Variants in MAML2 observed in about 807,000 individuals in gnomAD.
MAML2 encodes the protein mastermind like transcriptional coactivator 2, also known as mastermind-like protein 2.
In MAML2, 22 loss-of-function variants were observed where a neutral mutation model predicts 96.1. The observed-to-expected ratio is 0.23, with a 90% CI of 0.16 to 0.33. MAML2 has a LOEUF of 0.33. Among genes scored for constraint, MAML2 ranks in the 10% least tolerant of loss-of-function variants. MAML2 has a pLI of 1.00. For missense variants in MAML2, 1,367 were observed against 1,392.4 expected (o/e 0.98, Z 0.29); for synonymous variants, 561 against 521.3 (o/e 1.08, Z -1.04).
At chr11:96,105,869 T>C (rs974333030) in intron 1 of MAML2, among the ~76,000 whole-genome samples, 45 of 112,394 alleles carry the variant, frequency 4.0e-4, no homozygotes, top group African/African-American at 1.3e-3. Flanking sequence ...TATTTGGTTA[T>C]AATGGAAAAA....
chr11:96,164,912 T>C (rs974439503), intron 1 of MAML2, among the ~76,000 whole-genome samples: 1 of 152,224 alleles, frequency 6.6e-6, no homozygotes, highest in African/African-American at 2.4e-5. Flanking sequence ...ACTTGTGCAA[T>C]ATATTTCCAT....
intron 2 of MAML2, among the ~76,000 whole-genome samples, chr11:96,088,178 T>C (rs2135805467): frequency 6.6e-6 from 1 of 152,298 alleles, no homozygotes; most frequent in East Asian, 1.9e-4. Flanking sequence ...GTTATTAATA[T>C]ATGATTGAGG....
At chr11:96,331,628 T>C (rs1439982568) in intron 1 of MAML2, among the ~76,000 whole-genome samples, 2 of 149,608 alleles carry the variant, frequency 1.3e-5, no homozygotes, top group Non-Finnish European at 3.0e-5. Context: ...TGAAACCCCA[T>C]CTCTACTAAA....
chr11:96,101,333 G>T (rs58355909), intron 1 of MAML2, among the ~76,000 whole-genome samples: 1 of 152,194 alleles, frequency 6.6e-6, no homozygotes, highest in Non-Finnish European at 1.5e-5. Flanking sequence ...TTTTGTCAGC[G>T]TGGACACTTC....
At chr11:96,131,591 AAGTATATT>A (rs1860549909) in intron 1 of MAML2, among the ~76,000 whole-genome samples, 1 of 152,244 alleles carries the variant, frequency 6.6e-6, no homozygotes, top group Non-Finnish European at 1.5e-5. Flanking sequence ...TAGATTCAGA[AAGTATATT>A]AGTAGTTACA....
chr11:96,252,482 G>A (rs895924428), intron 1 of MAML2, among the ~76,000 whole-genome samples: 1 of 144,878 alleles, frequency 6.9e-6, no homozygotes, highest in Non-Finnish European at 1.5e-5. Flanking sequence ...CTGGAGTGCA[G>A]TGGAGCGATC....
intron 2 of MAML2, among the ~76,000 whole-genome samples, chr11:96,082,866 G>A (rs75560388): frequency 0.025 from 3,774 of 152,272 alleles, 71 homozygotes; most frequent in Non-Finnish European, 0.035. Context: ...ACCTGGGAAG[G>A]GAGAGAGGAA....
rs1447190598 is a variant in MAML2, at chr11:96,030,026, G to A, written c.2140-38303C>T. Among the ~76,000 whole-genome samples the A allele has an allele frequency of 6.2e-4, 94 of 152,104 alleles. 1 individual carries two copies. The highest frequency in any genetic ancestry group is 1.3e-4 in the Non-Finnish European group (9 of 68,012). On this transcript the variant is annotated intron_variant, in intron 2 of 4. Coordinates refer to ENST00000524717, the MANE Select transcript of MAML2 (RefSeq NM_032427.4). The stretch of plus-strand genomic sequence containing the variant: ...AGGTGGGTGGATCACGAGGTCAGAC[G>A]TTCGAGACCAACCTGGCCAACACAG...
chr11:96,176,628 C>A (rs1204261278), intron 1 of MAML2, among the ~76,000 whole-genome samples: 1 of 152,036 alleles, frequency 6.6e-6, no homozygotes, highest in African/African-American at 2.4e-5. Context: ...AAAGGTGAGA[C>A]CACCTTTTCG....
chr11:95,979,567 C>G lies in MAML2; in HGVS notation c.2852G>C (p.Arg951Thr). The change falls in exon 5 of 5, where the codon AGA becomes ACA. Residue 951 changes from arginine (R) to threonine (T), a missense_variant. Arg to Thr is a moderately conservative substitution (Grantham distance 71). Coordinates refer to ENST00000524717, the MANE Select transcript of MAML2 (RefSeq NM_032427.4). ...GGATGTGATCATTACGTTTGATGTT[C>G]TCTGTGGTGGCATGCTTGCCATACT... The part of the protein sequence containing the change: ...THSMASMPPQ[R>T]TSNVMITSNT... 6.2e-7 allele frequency: 1 copy of G among 1,613,828 alleles called. No homozygotes were observed. The highest frequency in any genetic ancestry group is 8.5e-7 in the Non-Finnish European group (1 of 1,179,874).
intron 2 of MAML2, among the ~76,000 whole-genome samples, chr11:96,017,636 T>G (rs1371000586): frequency 1.3e-5 from 2 of 148,210 alleles, no homozygotes; most frequent in Non-Finnish European, 3.0e-5. Flanking sequence ...CAGGTAGGAG[T>G]GGGTAGGGTG....
At chr11:96,149,666 G>T (rs1056470519) in intron 1 of MAML2, among the ~76,000 whole-genome samples, 3 of 152,028 alleles carry the variant, frequency 2.0e-5, no homozygotes, top group African/African-American at 4.8e-5. Flanking sequence ...CCCAGTAGGC[G>T]GAGGTTGCAG....
chr11:96,175,899 G>A (rs1305264877), intron 1 of MAML2, among the ~76,000 whole-genome samples: 2 of 152,256 alleles, frequency 1.3e-5, no homozygotes, highest in East Asian at 3.9e-4. Context: ...ACAGCGCCTG[G>A]CCTTAAACCT....
At chr11:95,998,141 A>AGTCTGTCTGTCTGTCTGTCT (rs200511361) in intron 2 of MAML2, among the ~76,000 whole-genome samples, 4,515 of 143,452 alleles carry the variant, frequency 0.031, 108 homozygotes, top group Non-Finnish European at 0.044. Context: ...TCTGTCTGTC[A>AGTCTGTCTGTCTGTCTGTCT]GTCTGTCTGT....
intron 1 of MAML2, among the ~76,000 whole-genome samples, chr11:96,204,370 A>G (rs1442908165): frequency 2.0e-5 from 3 of 152,248 alleles, no homozygotes; most frequent in Non-Finnish European, 4.4e-5. Context: ...CCTAGCGTAG[A>G]TGACAGACTT....
intron 1 of MAML2, among the ~76,000 whole-genome samples, chr11:96,225,171 G>A (rs1168193642): frequency 6.6e-6 from 1 of 152,138 alleles, no homozygotes; most frequent in African/African-American, 2.4e-5. Context: ...AGCTTCTAAG[G>A]AACAAAATAG....
intron 2 of MAML2, among the ~76,000 whole-genome samples, chr11:96,085,627 C>T (rs1278494971): frequency 1.3e-5 from 2 of 152,240 alleles, no homozygotes; most frequent in Non-Finnish European, 2.9e-5. Context: ...CTTAACCCTA[C>T]ACCCCTTCTT....
At chr11:96,131,015 A>T (rs1460208124) in intron 1 of MAML2, among the ~76,000 whole-genome samples, 1 of 152,332 alleles carries the variant, frequency 6.6e-6, no homozygotes, top group East Asian at 1.9e-4. Context: ...AAATTTCATA[A>T]CAGAGCTATA....
chr11:96,118,891 T>TC (rs1340531622), intron 1 of MAML2, among the ~76,000 whole-genome samples: 5 of 152,014 alleles, frequency 3.3e-5, no homozygotes, highest in African/African-American at 1.2e-4. Flanking sequence ...AAACACAACC[T>TC]CCCCCTTTAA....
Sources: gnomAD v4.1 joint callset for allele counts (sites outside exome capture counted in the v4.1 genomes callset) on GRCh38, gnomAD v4.1.1 for gene constraint, MANE v1.5 for transcripts, NCBI Gene and HGNC (gene_info 2026-07-23, HGNC 2026-07-21) for gene names.